MAGI1: variants seen among roughly 807,000 people sequenced by gnomAD.
MAGI1 encodes the protein membrane-associated guanylate kinase, WW and PDZ domain-containing protein 1.
A neutral mutation model predicts 139.9 loss-of-function variants in MAGI1; 58 were observed. The observed-to-expected ratio is 0.41, with a 90% CI of 0.34 to 0.52. The LOEUF (loss-of-function observed/expected upper bound fraction) is 0.52, where lower values mean the gene tolerates loss of function less well. Among genes scored for constraint, MAGI1 ranks in the 20% least tolerant of loss-of-function variants. The probability of loss-of-function intolerance (pLI) is 0.12; values close to 1 mark genes in which losing one functional copy is unlikely to be tolerated. For synonymous variants in MAGI1, 812 were observed against 737.9 expected (o/e 1.10, Z -1.63); for missense variants, 1,874 against 1,901.6 (o/e 0.99, Z 0.27).
In MAGI1 at chr3:65,354,612, A is replaced by C. The variant is rs1376688140; in HGVS notation, c.*1766T>G. 1 of 152,654 alleles carries C rather than the reference A, an allele frequency of 6.6e-6. No homozygotes were observed. Among genetic ancestry groups the C allele is most frequent in the Non-Finnish European group, 1.5e-5 (1 of 68,042 alleles). The allele number at this position is 152,654 out of a possible 1,614,324, so 9.5% of individuals were successfully genotyped here. A position where few individuals can be genotyped will look rare whatever the true frequency, so the allele number is the denominator to read the frequency against. ...ACCATGGAGGAAATGATGATATTCAAACCAACTAAAGCTTTAGAGAATTAC... is the reference window on the plus strand; with the variant it reads ...ACCATGGAGGAAATGATGATATTCACACCAACTAAAGCTTTAGAGAATTAC... On this transcript the variant is annotated 3_prime_UTR_variant, in exon 23 of 23. Transcript: ENST00000402939.
rs34035405 is a variant in MAGI1, at chr3:65,782,907, T to TAA, written c.314-160821_314-160820dup. 1.9e-4 allele frequency among the ~76,000 whole-genome samples: 27 copies of TAA among 140,988 alleles called. 1 individual carries two copies. Among genetic ancestry groups the TAA allele is most frequent in the Admixed American group, 1.4e-3 (20 of 13,906 alleles). 92.5% of individuals were successfully genotyped at this position (140,988 alleles called of 152,430 possible). On this transcript the variant is annotated intron_variant, in intron 1 of 22. Coordinates refer to ENST00000402939, the MANE Select transcript of MAGI1 (RefSeq NM_001033057.2). ...TGTAAGAGCTAAATTATTAAACTCTTAAAAAAAAAAAAAGAGAAAAATCAA... is the reference window on the plus strand; with the variant it reads ...TGTAAGAGCTAAATTATTAAACTCTTAAAAAAAAAAAAAAAGAGAAAAATCAA...
chr3:65,582,167 G>C (rs1226077485), intron 2 of MAGI1, among the ~76,000 whole-genome samples: 2 of 152,180 alleles, frequency 1.3e-5, no homozygotes, highest in Admixed American at 6.5e-5. Flanking sequence ...CGCCCTGAAG[G>C]CAAGGATTTT....
intron 2 of MAGI1, among the ~76,000 whole-genome samples, chr3:65,558,044 G>C (rs559021022): frequency 2.2e-4 from 33 of 152,038 alleles, no homozygotes; most frequent in Non-Finnish European, 2.1e-4. Context: ...AGGTCTGTCC[G>C]GACTGCAGTC....
At chr3:65,586,526 T>C (rs1576399063) in intron 2 of MAGI1, among the ~76,000 whole-genome samples, 2 of 152,200 alleles carry the variant, frequency 1.3e-5, no homozygotes, top group South Asian at 2.1e-4. Flanking sequence ...CCAAAAAGAG[T>C]AACTTTTGTT....
chr3:65,906,897 A>G (rs1050941732), intron 1 of MAGI1, among the ~76,000 whole-genome samples: 3 of 151,946 alleles, frequency 2.0e-5, no homozygotes, highest in African/African-American at 4.8e-5. Flanking sequence ...AAAAAAAAAA[A>G]AAAATCTACA....
intron 1 of MAGI1, among the ~76,000 whole-genome samples, chr3:65,758,132 G>A (rs936217909): frequency 2.6e-5 from 4 of 152,184 alleles, no homozygotes; most frequent in Non-Finnish European, 5.9e-5. Context: ...CTGTTGACTC[G>A]AGGAGATAAA....
At chr3:65,409,370 A>G (rs1945599803) in intron 12 of MAGI1, among the ~76,000 whole-genome samples, 1 of 152,018 alleles carries the variant, frequency 6.6e-6, no homozygotes, top group Non-Finnish European at 1.5e-5. Context: ...CAGAGGGAGG[A>G]GCTGAAGTGA....
In MAGI1 at chr3:65,981,366, G is replaced by A. The variant is rs532214664; in HGVS notation, c.313+56630C>T. Among the ~76,000 whole-genome samples the A allele has an allele frequency of 4.6e-5, 7 of 152,170 alleles. No homozygotes were observed. In the East Asian group the frequency reaches 1.4e-3, roughly 29 times the overall value. On this transcript the variant is annotated intron_variant, in intron 1 of 22. Coordinates refer to ENST00000402939, the MANE Select transcript of MAGI1 (RefSeq NM_001033057.2). ...TTGGCTCCCACTTCGGCTTTTTTGAGGAGTTGGTAAAATATGACCATTAAG... is the reference window on the plus strand; with the variant it reads ...TTGGCTCCCACTTCGGCTTTTTTGAAGAGTTGGTAAAATATGACCATTAAG...
At chr3:65,663,776 G>A (rs1444374246) in intron 1 of MAGI1, among the ~76,000 whole-genome samples, 1 of 152,106 alleles carries the variant, frequency 6.6e-6, no homozygotes, top group Non-Finnish European at 1.5e-5. Context: ...AAGATGTTCA[G>A]CAGTATCTTT....
intron 1 of MAGI1, among the ~76,000 whole-genome samples, chr3:65,654,948 A>G (rs888873711): frequency 2.6e-5 from 4 of 152,256 alleles, no homozygotes; most frequent in African/African-American, 9.6e-5. Context: ...TATGTGTTTT[A>G]TAATTGTCAA....
At chr3:65,714,703 T>G (rs2107662985) in intron 1 of MAGI1, among the ~76,000 whole-genome samples, 1 of 152,158 alleles carries the variant, frequency 6.6e-6, no homozygotes, top group East Asian at 1.9e-4. Context: ...CAATTTAGCT[T>G]TCTACAGGTA....
chr3:65,790,717 C>A (rs755464890), intron 1 of MAGI1, among the ~76,000 whole-genome samples: 2 of 152,194 alleles, frequency 1.3e-5, no homozygotes, highest in African/African-American at 2.4e-5. Context: ...CAGCTAACAA[C>A]CTCAGCCTCG....
intron 5 of MAGI1, among the ~76,000 whole-genome samples, chr3:65,459,329 C>G (rs1949617358): frequency 6.6e-6 from 1 of 152,052 alleles, no homozygotes; most frequent in Non-Finnish European, 1.5e-5. Flanking sequence ...TTTTATATTT[C>G]TGTGAGGAAT....
At chr3:65,940,586 CCAT>C (rs1267001986) in intron 1 of MAGI1, among the ~76,000 whole-genome samples, 1 of 152,194 alleles carries the variant, frequency 6.6e-6, no homozygotes, top group African/African-American at 2.4e-5. Flanking sequence ...CTTCCTTACA[CCAT>C]CACATTGAGG....
At chr3:65,620,983 A>G (rs1576504921) in intron 2 of MAGI1, among the ~76,000 whole-genome samples, 1 of 151,854 alleles carries the variant, frequency 6.6e-6, no homozygotes, top group African/African-American at 2.4e-5. Context: ...TGTTTATCAG[A>G]AAACATTAGC....
intron 1 of MAGI1, among the ~76,000 whole-genome samples, chr3:65,851,963 T>G (rs1352594622): frequency 6.6e-6 from 1 of 152,142 alleles, no homozygotes; most frequent in Non-Finnish European, 1.5e-5. Flanking sequence ...GGGAAGAATT[T>G]GAGAGGAATG....
chr3:65,640,672 CACA>C (rs2084932265), intron 1 of MAGI1, among the ~76,000 whole-genome samples: 2 of 152,186 alleles, frequency 1.3e-5, no homozygotes, highest in Admixed American at 1.3e-4. Flanking sequence ...TATGTTTATT[CACA>C]ACAAGGGTTG....
intron 2 of MAGI1, among the ~76,000 whole-genome samples, chr3:65,584,085 T>C (rs999559284): frequency 1.6e-5 from 1 of 63,540 alleles, no homozygotes; most frequent in Non-Finnish European, 3.3e-5. Flanking sequence ...AATCTACTCT[T>C]GAAAAAAAAA....
chr3:65,536,402 T>C (rs1025949823), intron 2 of MAGI1, among the ~76,000 whole-genome samples: 5 of 152,196 alleles, frequency 3.3e-5, no homozygotes, highest in African/African-American at 4.8e-5. Flanking sequence ...GAAATATTGC[T>C]AGAGCATACC....
Sources: allele counts gnomAD v4.1 joint callset (sites outside exome capture counted in the v4.1 genomes callset), GRCh38; gene constraint gnomAD v4.1.1; transcripts MANE v1.5; gene names NCBI Gene and HGNC (gene_info 2026-07-23, HGNC 2026-07-21).